MCF2L: variants seen among roughly 807,000 people sequenced by gnomAD.
MCF2L encodes MCF.2 cell line derived transforming sequence like, also known as guanine nucleotide exchange factor DBS.
In MCF2L, 97 loss-of-function variants were observed where a neutral mutation model predicts 153.4. The ratio of observed to expected loss-of-function variants is 0.63; its 90% confidence interval spans 0.54 to 0.75. The LOEUF (loss-of-function observed/expected upper bound fraction) is 0.75, where lower values mean the gene tolerates loss of function less well. MCF2L is among the 30% of genes least tolerant of loss of function. The pLI is 0.00. For missense variants in MCF2L, 1,347 were observed against 1,495.2 expected (o/e 0.90, Z 1.64); for synonymous variants, 659 against 632.2 (o/e 1.04, Z -0.64).
At position 112,908,201 on chromosome 13, in the gene MCF2L, G is replaced by A. The variant is rs78363144; in HGVS notation, c.169+5830G>A. ...TGGGCAGCTTCCCAAGGCCAGGTGAGATGCTGGCATGGGGGCACAGGTGCT... is the reference window on the plus strand; with the variant it reads ...TGGGCAGCTTCCCAAGGCCAGGTGAAATGCTGGCATGGGGGCACAGGTGCT... On this transcript the variant is annotated intron_variant, in intron 2 of 29. Coordinates refer to the MCF2L transcript ENST00000375608. Among the ~76,000 whole-genome samples, 24 of 152,316 alleles carry A rather than the reference G, an allele frequency of 1.6e-4. No individual in the cohort carries two copies. In the East Asian group the frequency reaches 4.6e-3, roughly 29 times the overall value.
intron 5 of MCF2L, among the ~76,000 whole-genome samples, chr13:113,062,839 G>A (rs2031734770): frequency 6.6e-6 from 1 of 152,196 alleles, no homozygotes; most frequent in Non-Finnish European, 1.5e-5. Context: ...ATGAAGACAA[G>A]GCGTGTGTAG....
Position 113,045,805 on chromosome 13 carries a change from A to G in MCF2L, c.369+444A>G. 1 of 210,668 alleles carries G rather than the reference A, an allele frequency of 4.7e-6. No homozygotes were observed. Among genetic ancestry groups the G allele is most frequent in the Non-Finnish European group, 9.8e-6 (1 of 102,044 alleles). 13.0% of individuals were successfully genotyped at this position (210,668 alleles called of 1,614,324 possible). On this transcript the variant is annotated intron_variant, in intron 4 of 29. Transcript: ENST00000535094. The surrounding 1 kb of genome is among the most constrained non-coding windows in gnomAD (Gnocchi z 4.2). ...ACATGCACTTCCTCTTACACAAAGC[A>G]CAACAGTCCTGACCAGGCAGGACGG...
At chr13:112,912,322 CTTT>C (rs879287456) in intron 2 of MCF2L, among the ~76,000 whole-genome samples, 1 of 146,068 alleles carries the variant, frequency 6.8e-6, no homozygotes, top group Non-Finnish European at 1.5e-5. Flanking sequence ...TAATTTATTC[CTTT>C]TTTTTTTTTA....
intron 2 of MCF2L, among the ~76,000 whole-genome samples, chr13:112,962,027 C>T (rs555805354): frequency 2.0e-5 from 3 of 150,424 alleles, no homozygotes; most frequent in Admixed American, 6.6e-5. Context: ...GGGCTCACAC[C>T]CAGGCATGCA....
intron 2 of MCF2L, among the ~76,000 whole-genome samples, chr13:112,913,593 T>C (rs1235890250): frequency 6.6e-6 from 1 of 152,134 alleles, no homozygotes; most frequent in Admixed American, 6.5e-5. Context: ...GTGGCAAATA[T>C]GCGTTGTCTT....
At chr13:113,051,760 C>T (rs2055537957) in intron 4 of MCF2L, among the ~76,000 whole-genome samples, 1 of 152,182 alleles carries the variant, frequency 6.6e-6, no homozygotes. Flanking sequence ...TGGTGAGATC[C>T]CTCTTGCTGG....
intron 2 of MCF2L, among the ~76,000 whole-genome samples, chr13:112,928,254 CG>C (rs1265368921): frequency 6.6e-6 from 1 of 152,168 alleles, no homozygotes; most frequent in East Asian, 1.9e-4. Context: ...GTCATTGCAC[CG>C]TTTCTGATGT....
chr13:112,913,132 G>A (rs2081252549), intron 2 of MCF2L, among the ~76,000 whole-genome samples: 1 of 151,458 alleles, frequency 6.6e-6, no homozygotes, highest in Admixed American at 6.6e-5. Context: ...GTGTCTGATT[G>A]TGTGTCTGTG....
At chr13:113,052,785 A>G (rs1343989772) in intron 4 of MCF2L, 23 of 152,046 alleles carry the variant, frequency 1.5e-4, no homozygotes, top group Admixed American at 1.5e-3. Flanking sequence ...GTACAAAAAC[A>G]CACAGACATA....
At position 113,078,387 on chromosome 13, in the gene MCF2L, C is replaced by A. The variant is rs1358360530; in HGVS notation, c.1685C>A (p.Ser562Tyr). Residue 562 changes from serine to tyrosine, a missense_variant, in exon 14 of 30, where the codon TCC becomes TAC. Coordinates refer to ENST00000535094, the MANE Select transcript of MCF2L (RefSeq NM_001112732.3). ...GGCATTCGGCGAGGCTCTGAGAACT[C>A]CAGCTCCGAGGGCGGTGCGCTCCGG... ...SPGIRRGSEN[S>Y]SSEGGALRRG... The A allele has an allele frequency of 1.2e-6, 2 of 1,613,370 alleles. No homozygotes were observed. Among genetic ancestry groups the A allele is most frequent in the South Asian group, 2.2e-5 (2 of 91,072 alleles).
chr13:113,087,250 C>T lies in MCF2L; in HGVS notation c.2389C>T (p.Leu797=). The T allele has an allele frequency of 6.2e-7, 1 of 1,611,864 alleles. No individual in the cohort carries two copies. Among genetic ancestry groups the T allele is most frequent in the Non-Finnish European group, 8.5e-7 (1 of 1,179,808 alleles). ...ITGYDGNLGD[L]GKLLMQGSFS... ...GCACATTTAGGGGAATCTCGGCGAC[C>T]TGGGCAAGCTGCTGATGCAGGGCTC... Residue 797 remains leucine, a synonymous_variant, in exon 22 of 30, where the codon CTG becomes TTG. Coordinates refer to ENST00000535094, the MANE Select transcript of MCF2L (RefSeq NM_001112732.3).
rs2035720311 is a variant in MCF2L, at chr13:113,096,922, G to A, written c.*63G>A. 1.7e-6 allele frequency: 2 copies of A among 1,154,460 alleles called. No homozygotes were observed. The highest frequency in any genetic ancestry group is 1.6e-5 in the African/African-American group (1 of 61,294). The allele number at this position is 1,154,460 out of a possible 1,614,324, so 71.5% of individuals were successfully genotyped here. On this transcript the variant is annotated 3_prime_UTR_variant, in exon 30 of 30. Transcript: ENST00000535094. ...GCTGCGGTGGCGTGGGGAGGGCGCG[G>A]CCCCCGGACGCCCCGAGGAAGGGGC...
chr13:112,979,774 G>T, intron 1 of MCF2L: 1 of 1,606,642 alleles, frequency 6.2e-7, no homozygotes, highest in Non-Finnish European at 8.5e-7. Flanking sequence ...ATACAATGGG[G>T]TCGCAGGGCA....
chr13:113,041,418 C>T (rs1172034497), intron 3 of MCF2L, among the ~76,000 whole-genome samples: 2 of 152,154 alleles, frequency 1.3e-5, no homozygotes, highest in Non-Finnish European at 2.9e-5. Flanking sequence ...TCACGTGGCC[C>T]TGCCCTCATG....
intron 2 of MCF2L, among the ~76,000 whole-genome samples, chr13:112,919,320 C>T (rs2081329867): frequency 6.7e-6 from 1 of 149,202 alleles, no homozygotes; most frequent in East Asian, 2.0e-4. Context: ...ATTCTCCTGC[C>T]TCAGCCTCCC....
rs2033233710 is a variant in MCF2L, at chr13:113,074,430, C to T, written c.997-14C>T. Reference sequence around the variant, plus strand: ...GGGAGACACCCCCCTGAGATGGGCCCTCCTCTGTTCCAGGTCAAAGCCATC... The same window carrying T: ...GGGAGACACCCCCCTGAGATGGGCCTTCCTCTGTTCCAGGTCAAAGCCATC... On this transcript the variant is annotated splice_polypyrimidine_tract_variant and intron_variant, in intron 9 of 29. Coordinates refer to ENST00000535094, the MANE Select transcript of MCF2L (RefSeq NM_001112732.3). The surrounding 1 kb of genome is among the most constrained non-coding windows in gnomAD (Gnocchi z 4.2). 1 of 1,609,072 alleles carries T rather than the reference C, an allele frequency of 6.2e-7. No homozygotes were observed. Among genetic ancestry groups the T allele is most frequent in the Non-Finnish European group, 8.5e-7 (1 of 1,175,856 alleles).
intron 2 of MCF2L, among the ~76,000 whole-genome samples, chr13:112,903,871 G>A (rs769122216): frequency 1.3e-4 from 20 of 152,276 alleles, no homozygotes; most frequent in Non-Finnish European, 2.8e-4. Context: ...ACAGTGAAGC[G>A]GGGCTGTCAG....
chr13:113,084,306 GT>G (rs2034428299), intron 18 of MCF2L, among the ~76,000 whole-genome samples: 1 of 149,082 alleles, frequency 6.7e-6, no homozygotes, highest in Non-Finnish European at 1.5e-5. Context: ...AGAACCTCCT[GT>G]ACCCCAGGAC....
chr13:113,022,672 G>A (rs1343757274), intron 2 of MCF2L, among the ~76,000 whole-genome samples: 1 of 152,240 alleles, frequency 6.6e-6, no homozygotes. Context: ...TACCTTTAAT[G>A]GCGACTGAAA....
Sources: gnomAD v4.1 joint callset for allele counts (sites outside exome capture counted in the v4.1 genomes callset) on GRCh38, gnomAD v4.1.1 for gene constraint, Gnocchi (gnomAD v3.1) non-coding constraint, MANE v1.5 for transcripts, NCBI Gene and HGNC (gene_info 2026-07-23, HGNC 2026-07-21) for gene names.